RHOBTB3: variants seen among roughly 807,000 people sequenced by gnomAD.
RHOBTB3 encodes the protein rho-related BTB domain-containing protein 3.
In RHOBTB3, 47 loss-of-function variants were observed where a neutral mutation model predicts 67.2. The observed-to-expected ratio is 0.70, with a 90% CI of 0.55 to 0.89. RHOBTB3 has a LOEUF of 0.89. RHOBTB3 is among the 40% of genes least tolerant of loss of function. The probability of loss-of-function intolerance (pLI) is 0.00; values close to 1 mark genes in which losing one functional copy is unlikely to be tolerated. For synonymous variants in RHOBTB3, 273 were observed against 274.2 expected (o/e 1.00, Z 0.04); for missense variants, 631 against 750.0 (o/e 0.84, Z 1.85).
rs561866282 is a variant in RHOBTB3 at position 95,786,894 on chromosome 5, GTCC to G, written c.1624-1867_1624-1865del. Among the ~76,000 whole-genome samples, 12 of 152,212 alleles carry G rather than the reference GTCC, an allele frequency of 7.9e-5. No individual in the cohort carries two copies. The South Asian group carries it at 8.3e-4, about 11-fold the overall frequency. On this transcript the variant is annotated intron_variant, in intron 10 of 11. Coordinates refer to ENST00000379982, the MANE Select transcript of RHOBTB3 (RefSeq NM_014899.4). ...AGACATGTTCCATTCCTGTTACAGA[GTCC>G]CTAGACTATGAATCTGGGCCAGGTC...
intron 9 of RHOBTB3, 106 bp from the exon 10 acceptor site, chr5:95,783,691 G>T: frequency 2.2e-6 from 2 of 902,254 alleles, no homozygotes; most frequent in South Asian, 4.0e-5. Flanking sequence ...TGGATGCTAC[G>T]GTCAGCATGT....
intron 2 of RHOBTB3, 124 bp from the exon 3 acceptor site, chr5:95,736,765 A>T: frequency 3.2e-6 from 2 of 631,822 alleles, no homozygotes; most frequent in Non-Finnish European, 5.3e-6. Context: ...CAACACTTTT[A>T]ATTTCAAGTA....
upstream of RHOBTB3, chr5:95,731,253 C>T: frequency 1.0e-6 from 1 of 1,004,862 alleles, no homozygotes; most frequent in Non-Finnish European, 1.2e-6. Context: ...GCACGTGCTG[C>T]GCCCGGTCCG....
Position 95,731,971 on chromosome 5 carries a change from G to C in RHOBTB3, c.115G>C (p.Glu39Gln), listed in dbSNP as rs781066409. 6 of 1,614,068 alleles carry C rather than the reference G, an allele frequency of 3.7e-6. No individual in the cohort carries two copies. The highest frequency in any genetic ancestry group is 2.2e-5 in the East Asian group (1 of 44,892). Reference protein sequence around the residue: ...LGRSPLVSGDESSLLLNAAST... With the variant: ...LGRSPLVSGDQSSLLLNAAST... Reference sequence around the variant, plus strand: ...GAGAAGCCCTCTGGTCTCCGGGGACGAGAGCAGCTTGTTGCTGAACGCGGC... The same window carrying C: ...GAGAAGCCCTCTGGTCTCCGGGGACCAGAGCAGCTTGTTGCTGAACGCGGC... The change falls in exon 2 of 12, where the codon GAG (glutamate) becomes CAG (glutamine). Residue 39 changes from glutamate to glutamine, a missense_variant. By Grantham distance (29) the Glu-to-Gln change is conservative (BLOSUM62 2). Coordinates refer to ENST00000379982, the MANE Select transcript of RHOBTB3 (RefSeq NM_014899.4).
chr5:95,774,300 T>C (rs539109306), intron 8 of RHOBTB3, among the ~76,000 whole-genome samples: 15 of 152,322 alleles, frequency 9.8e-5, no homozygotes, highest in African/African-American at 3.4e-4. Context: ...CACAGTTTGA[T>C]TTTGGCATAA....
At chr5:95,732,123 G>A (rs746567955) in intron 2 of RHOBTB3, 39 bp downstream of exon 2, 8 of 1,592,378 alleles carry the variant, frequency 5.0e-6, no homozygotes, top group Middle Eastern at 1.7e-4. Context: ...GGCTGAAGAA[G>A]CTTTTCTTTC....
At chr5:95,740,254 A>G (rs1384542692) in intron 3 of RHOBTB3, among the ~76,000 whole-genome samples, 1 of 152,218 alleles carries the variant, frequency 6.6e-6, no homozygotes, top group African/African-American at 2.4e-5. Context: ...ACCCAGTCTC[A>G]GGTATGTCTT....
At chr5:95,742,851 TC>T (rs1755637201) in intron 3 of RHOBTB3, among the ~76,000 whole-genome samples, 1 of 152,160 alleles carries the variant, frequency 6.6e-6, no homozygotes, top group Non-Finnish European at 1.5e-5. Context: ...GGCGGGCGGA[TC>T]ATGAGGTCAG....
chr5:95,721,837 G>C (rs1395297855), intron 1 of RHOBTB3, among the ~76,000 whole-genome samples: 1 of 152,128 alleles, frequency 6.6e-6, no homozygotes, highest in African/African-American at 2.4e-5. Flanking sequence ...GTTTCAGCTA[G>C]GTGATCTATT....
chr5:95,755,895 A>G (rs1255542163), intron 6 of RHOBTB3, 134 bp downstream of exon 6: 2 of 836,092 alleles, frequency 2.4e-6, no homozygotes, highest in Non-Finnish European at 3.7e-6. Flanking sequence ...TTATACATGA[A>G]ATATTATTTG....
chr5:95,749,160 A>G (rs750052338), intron 4 of RHOBTB3, among the ~76,000 whole-genome samples: 3 of 152,242 alleles, frequency 2.0e-5, no homozygotes, highest in Non-Finnish European at 4.4e-5. Flanking sequence ...CATAGAAACT[A>G]CATTTCCAAA....
chr5:95,792,230 A>C lies in RHOBTB3; in HGVS notation c.1721-829A>C, dbSNP rs111707481. On this transcript the variant is annotated intron_variant, in intron 11 of 11. Transcript: ENST00000379982. ...TACAAAGAAAACTAAGTATTATACC[A>C]AAAAAACTTATCCGGGCGTGGTGAC... Among the ~76,000 whole-genome samples the C allele has an allele frequency of 8.4e-3, 1,275 of 152,088 alleles. 20 individuals are homozygous for C. Among genetic ancestry groups the C allele is most frequent in the African/African-American group, 0.03 (1,225 of 41,468 alleles).
intron 10 of RHOBTB3, 82 bp from the exon 11 acceptor site, chr5:95,788,680 T>G (rs1007365412): frequency 4.5e-6 from 4 of 891,696 alleles, no homozygotes; most frequent in Non-Finnish European, 7.0e-6. Flanking sequence ...CTCTCCGTGA[T>G]TGCTCCCAGG....
intron 3 of RHOBTB3, among the ~76,000 whole-genome samples, chr5:95,745,648 T>A (rs1030114877): frequency 7.9e-5 from 12 of 151,104 alleles, no homozygotes; most frequent in African/African-American, 1.9e-4. Flanking sequence ...TGCTTGCTTT[T>A]AAAAAAAAAT....
At chr5:95,748,982 G>T (rs1561444047) in intron 4 of RHOBTB3, among the ~76,000 whole-genome samples, 1 of 152,178 alleles carries the variant, frequency 6.6e-6, no homozygotes, top group Non-Finnish European at 1.5e-5. Flanking sequence ...ATAAATAGCT[G>T]CTTGTTGGAT....
Position 95,775,631 on chromosome 5 carries a change from C to A in RHOBTB3, c.1283-4621C>A, listed in dbSNP as rs550165675. ...GCCTCTCAGTGTGACAGCCTTTGGG[C>A]TCTATGGTTTTGAATTGTAGCTAAA... On this transcript the variant is annotated intron_variant, in intron 8 of 11. Coordinates refer to ENST00000379982, the MANE Select transcript of RHOBTB3 (RefSeq NM_014899.4). 2.0e-3 allele frequency among the ~76,000 whole-genome samples: 311 copies of A among 151,972 alleles called. 1 individual carries two copies. The highest frequency in any genetic ancestry group is 7.4e-3 in the African/African-American group (307 of 41,462).
chr5:95,746,585 C>CTCAT (rs1224109042), intron 3 of RHOBTB3, among the ~76,000 whole-genome samples: 3 of 152,080 alleles, frequency 2.0e-5, no homozygotes, highest in African/African-American at 7.2e-5. Context: ...ATTTAGAGAA[C>CTCAT]TCAAGTTTAA....
chr5:95,748,273 G>C, intron 3 of RHOBTB3, 60 bp from the exon 4 acceptor site: 1 of 1,312,562 alleles, frequency 7.6e-7, no homozygotes, highest in Non-Finnish European at 1.1e-6. Flanking sequence ...CAGATTGTCT[G>C]TGTACCTTTT....
intron 5 of RHOBTB3, among the ~76,000 whole-genome samples, chr5:95,754,558 C>A (rs577304246): frequency 1.6e-4 from 25 of 152,106 alleles, no homozygotes; most frequent in Non-Finnish European, 2.4e-4. Flanking sequence ...TTCAAACAAC[C>A]CTTCACAAAT....
Sources: gnomAD v4.1 joint callset for allele counts (sites outside exome capture counted in the v4.1 genomes callset) on GRCh38, gnomAD v4.1.1 for gene constraint, MANE v1.5 for transcripts, NCBI Gene and HGNC (gene_info 2026-07-23, HGNC 2026-07-21) for gene names.